Variants in SOX5 observed in about 807,000 individuals in gnomAD.
SOX5 encodes SRY-box transcription factor 5.
In SOX5, 9 loss-of-function variants were observed where a neutral mutation model predicts 92.0. The ratio of observed to expected loss-of-function variants is 0.10; its 90% CI spans 0.06 to 0.17. The LOEUF (loss-of-function observed/expected upper bound fraction) is 0.17, where lower values mean the gene tolerates loss of function less well. Among genes scored for constraint, SOX5 ranks in the 10% least tolerant of loss-of-function variants. SOX5 has a pLI of 1.00. For synonymous variants in SOX5, 344 were observed against 336.3 expected, an observed-to-expected ratio of 1.02 and a Z score of -0.25; for missense variants, 642 against 944.5, an observed-to-expected ratio of 0.68 and a Z score of 4.20.
At chr12:24,072,193 T>G (rs1170554268) in intron 4 of SOX5, among the ~76,000 whole-genome samples, 1 of 152,178 alleles carries the variant, frequency 6.6e-6, no homozygotes, top group Non-Finnish European at 1.5e-5. Flanking sequence ...CTGTAATGTG[T>G]TAAAAGGAGA....
chr12:24,049,851 AT>A (rs771779972), intron 4 of SOX5, among the ~76,000 whole-genome samples: 17 of 151,686 alleles, frequency 1.1e-4, no homozygotes, highest in Non-Finnish European at 1.9e-4. Context: ...TTCTGTTGTG[AT>A]TGTCGGAGGG....
intron 6 of SOX5, among the ~76,000 whole-genome samples, chr12:23,733,461 G>A (rs2093467944): frequency 6.6e-6 from 1 of 152,142 alleles, no homozygotes; most frequent in Admixed American, 6.5e-5. Flanking sequence ...ATAACATGTT[G>A]GAAATGTGCT....
chr12:24,340,021 A>G (rs1359269083), intron 2 of SOX5, among the ~76,000 whole-genome samples: 1 of 152,178 alleles, frequency 6.6e-6, no homozygotes, highest in African/African-American at 2.4e-5. Flanking sequence ...AATTAGGGAC[A>G]CTGCTGAGGG....
chr12:23,901,716 C>T (rs761229165), intron 1 of SOX5, among the ~76,000 whole-genome samples: 1 of 152,276 alleles, frequency 6.6e-6, no homozygotes, highest in Non-Finnish European at 1.5e-5. Context: ...TCCACATAGG[C>T]AGACTATATT....
At chr12:24,458,437 T>C (rs778390738) in intron 1 of SOX5, among the ~76,000 whole-genome samples, 1 of 152,140 alleles carries the variant, frequency 6.6e-6, no homozygotes, top group Non-Finnish European at 1.5e-5. Flanking sequence ...GGGTCCATTC[T>C]CTACTCAGTC....
chr12:24,168,332 A>T (rs1024741600), intron 4 of SOX5, among the ~76,000 whole-genome samples: 3 of 152,170 alleles, frequency 2.0e-5, no homozygotes, highest in Non-Finnish European at 4.4e-5. Context: ...GCCATTTACA[A>T]ACCCATTTGG....
intron 2 of SOX5, among the ~76,000 whole-genome samples, chr12:24,349,714 C>T (rs1436354037): frequency 6.6e-6 from 1 of 152,224 alleles, no homozygotes; most frequent in Non-Finnish European, 1.5e-5. Context: ...CTACTTTTAG[C>T]TATTGTAAAT....
chr12:23,609,054 A>T (rs7968452), intron 8 of SOX5, among the ~76,000 whole-genome samples: 1 of 151,898 alleles, frequency 6.6e-6, no homozygotes, highest in South Asian at 2.1e-4. Flanking sequence ...TCATAGAAGA[A>T]ATGGAGTTAA....
At chr12:23,904,458 A>G (rs544267498) in intron 1 of SOX5, among the ~76,000 whole-genome samples, 2 of 152,290 alleles carry the variant, frequency 1.3e-5, no homozygotes, top group Non-Finnish European at 2.9e-5. Context: ...ATAGAATAAT[A>G]AAAAAGATAA....
intron 3 of SOX5, among the ~76,000 whole-genome samples, chr12:23,760,620 CCA>C (rs1408439129): frequency 6.6e-6 from 1 of 152,054 alleles, no homozygotes; most frequent in African/African-American, 2.4e-5. Flanking sequence ...ATGGCCCCCC[CCA>C]ACTGTGCCAG....
intron 3 of SOX5, among the ~76,000 whole-genome samples, chr12:23,818,934 C>A (rs1482961309): frequency 6.6e-6 from 1 of 152,084 alleles, no homozygotes; most frequent in Non-Finnish European, 1.5e-5. Flanking sequence ...GGCTATGAGA[C>A]CCCCCTGTGA....
intron 1 of SOX5, among the ~76,000 whole-genome samples, chr12:23,928,017 G>A (rs1940449192): frequency 6.6e-6 from 1 of 152,048 alleles, no homozygotes; most frequent in South Asian, 2.1e-4. Flanking sequence ...AGCAACTGGA[G>A]AGGATGGAAC....
chr12:23,904,031 T>C (rs965362127), intron 1 of SOX5, among the ~76,000 whole-genome samples: 3 of 152,192 alleles, frequency 2.0e-5, no homozygotes, highest in African/African-American at 7.2e-5. Flanking sequence ...TATCTATGAA[T>C]TTCAATTATT....
At chr12:24,117,509 C>A (rs138345560) in intron 4 of SOX5, among the ~76,000 whole-genome samples, 2 of 152,304 alleles carry the variant, frequency 1.3e-5, no homozygotes, top group Admixed American at 6.5e-5. Context: ...AAAGGAATGT[C>A]TGCCCTCCCA....
chr12:24,468,059 A>G (rs1229804983), intron 1 of SOX5, among the ~76,000 whole-genome samples: 1 of 152,214 alleles, frequency 6.6e-6, no homozygotes, highest in Admixed American at 6.5e-5. Flanking sequence ...CTGAGATCAT[A>G]ACAACTGGGA....
intron 1 of SOX5, among the ~76,000 whole-genome samples, chr12:24,386,660 A>C (rs1187149587): frequency 6.6e-6 from 1 of 152,202 alleles, no homozygotes; most frequent in African/African-American, 2.4e-5. Context: ...GCTTTTTACA[A>C]TATCCTACCC....
intron 4 of SOX5, among the ~76,000 whole-genome samples, chr12:23,966,424 T>C (rs1947589833): frequency 6.6e-6 from 1 of 151,800 alleles, no homozygotes; most frequent in Non-Finnish European, 1.5e-5. Context: ...TTAAGTTGAT[T>C]TAAATGAAAT....
intron 4 of SOX5, among the ~76,000 whole-genome samples, chr12:24,177,840 G>A (rs1238393206): frequency 1.3e-5 from 2 of 152,092 alleles, no homozygotes; most frequent in African/African-American, 2.4e-5. Flanking sequence ...CAGTCATTGA[G>A]TCTTTCTCAT....
At chr12:24,109,599 C>T (rs1295188439) in intron 4 of SOX5, among the ~76,000 whole-genome samples, 3 of 152,062 alleles carry the variant, frequency 2.0e-5, no homozygotes, top group African/African-American at 2.4e-5. Context: ...ATGCAAATAT[C>T]GAAGCTAGCT....
Sources: gnomAD v4.1 joint callset for allele counts (sites outside exome capture counted in the v4.1 genomes callset) on GRCh38, gnomAD v4.1.1 for gene constraint, MANE v1.5 for transcripts, NCBI Gene and HGNC (gene_info 2026-07-23, HGNC 2026-07-21) for gene names.